AGBL4: variants seen among roughly 807,000 people sequenced by gnomAD.
AGBL4 encodes AGBL carboxypeptidase 4.
In AGBL4, 58 loss-of-function variants were observed where a neutral mutation model predicts 66.4. The observed-to-expected ratio is 0.87, with a 90% CI of 0.71 to 1.09. AGBL4 has a LOEUF of 1.09. AGBL4 is among the 50% of genes least tolerant of loss of function. The pLI is 0.00. For missense variants in AGBL4, 579 were observed against 631.0 expected, an observed-to-expected ratio of 0.92 and a Z score of 0.88; for synonymous variants, 234 against 222.9, an observed-to-expected ratio of 1.05 and a Z score of -0.44.
intron 2 of AGBL4, among the ~76,000 whole-genome samples, chr1:49,816,535 C>T (rs1645236212): frequency 6.6e-6 from 1 of 152,114 alleles, no homozygotes; most frequent in Non-Finnish European, 1.5e-5. Context: ...GAAAATTAGG[C>T]CTCCCAGCCC....
chr1:48,900,516 G>T (rs1651982695), intron 5 of AGBL4, among the ~76,000 whole-genome samples: 1 of 152,224 alleles, frequency 6.6e-6, no homozygotes, highest in African/African-American at 2.4e-5. Flanking sequence ...AATCAAGACA[G>T]TGTGGTTTGG....
chr1:49,736,249 CAA>C (rs1649882079), intron 2 of AGBL4, among the ~76,000 whole-genome samples: 1 of 151,812 alleles, frequency 6.6e-6, no homozygotes, highest in Non-Finnish European at 1.5e-5. Context: ...ACTTGAAAGA[CAA>C]AGACAAAGAA....
At chr1:48,896,767 T>C (rs1175535428) in intron 5 of AGBL4, among the ~76,000 whole-genome samples, 1 of 49,466 alleles carries the variant, frequency 2.0e-5, no homozygotes, top group Admixed American at 1.9e-4. Context: ...AATATAATTT[T>C]CCTTTCTTTC....
At chr1:49,737,439 CA>C (rs1649991178) in intron 2 of AGBL4, among the ~76,000 whole-genome samples, 1 of 152,022 alleles carries the variant, frequency 6.6e-6, no homozygotes, top group Admixed American at 6.6e-5. Context: ...AAACAGAAAC[CA>C]AAAACAGTAT....
At chr1:49,260,695 C>G (rs1256668610) in intron 3 of AGBL4, among the ~76,000 whole-genome samples, 2 of 152,106 alleles carry the variant, frequency 1.3e-5, no homozygotes. Flanking sequence ...GAGTCCAGGA[C>G]CAGATGGATT....
intron 6 of AGBL4, among the ~76,000 whole-genome samples, chr1:48,711,835 T>A (rs1228996270): frequency 6.6e-6 from 1 of 152,050 alleles, no homozygotes; most frequent in African/African-American, 2.4e-5. Context: ...ACCCTAACAA[T>A]CTTCTTGCTT....
At chr1:48,552,143 A>G (rs951404178) in intron 11 of AGBL4, among the ~76,000 whole-genome samples, 1 of 152,096 alleles carries the variant, frequency 6.6e-6, no homozygotes, top group Admixed American at 6.5e-5. Flanking sequence ...AGCTCACTGC[A>G]ACCTCCGCCT....
At chr1:49,416,995 G>A (rs1261976359) in intron 3 of AGBL4, among the ~76,000 whole-genome samples, 1 of 152,088 alleles carries the variant, frequency 6.6e-6, no homozygotes, top group Non-Finnish European at 1.5e-5. Flanking sequence ...ATGACTAAGA[G>A]ATTTAACCTA....
intron 9 of AGBL4, among the ~76,000 whole-genome samples, chr1:48,621,821 AT>A (rs879342417): frequency 0.017 from 2,506 of 144,602 alleles, 70 homozygotes; most frequent in African/African-American, 0.053. Flanking sequence ...TTCTGTGGCC[AT>A]TTTTTTTTTT....
intron 3 of AGBL4, among the ~76,000 whole-genome samples, chr1:49,480,555 T>C (rs774890176): frequency 2.0e-5 from 3 of 151,178 alleles, no homozygotes; most frequent in Non-Finnish European, 4.4e-5. Flanking sequence ...GTCAAATGCA[T>C]AGTTTGCAAA....
At chr1:48,696,159 T>C (rs1022388729) in intron 6 of AGBL4, among the ~76,000 whole-genome samples, 2 of 152,262 alleles carry the variant, frequency 1.3e-5, no homozygotes, top group Non-Finnish European at 2.9e-5. Context: ...TCTCTCTGTG[T>C]CCTCTCCCTC....
intron 1 of AGBL4, among the ~76,000 whole-genome samples, chr1:49,921,569 G>A (rs1240338821): frequency 6.6e-6 from 1 of 152,076 alleles, no homozygotes; most frequent in African/African-American, 2.4e-5. Flanking sequence ...AGCCAGTAGT[G>A]GCTCAGTCCA....
intron 11 of AGBL4, among the ~76,000 whole-genome samples, chr1:48,546,055 T>C (rs1644153115): frequency 6.6e-6 from 1 of 152,198 alleles, no homozygotes; most frequent in Non-Finnish European, 1.5e-5. Context: ...CTATATTACC[T>C]GGGAGGCTGT....
chr1:49,281,906 T>C (rs982682810), intron 3 of AGBL4, among the ~76,000 whole-genome samples: 5 of 152,232 alleles, frequency 3.3e-5, no homozygotes, highest in Non-Finnish European at 7.3e-5. Context: ...TTCTGTGAGC[T>C]GCTTTAGCAA....
chr1:49,948,564 AATATATATAT>A (rs71059566), intron 1 of AGBL4, among the ~76,000 whole-genome samples: 2,356 of 64,572 alleles, frequency 0.036, 81 homozygotes, highest in African/African-American at 0.083. Context: ...AATATATAAA[AATATATATAT>A]ATATATATAG....
Position 49,630,935 on chromosome 1 carries a change from G to C in AGBL4, c.282+66378C>G, listed in dbSNP as rs115411928. 5.8e-3 allele frequency among the ~76,000 whole-genome samples: 879 copies of C among 152,286 alleles called. 11 individuals carry two copies. The highest frequency in any genetic ancestry group is 0.02 in the African/African-American group (838 of 41,564). On this transcript the variant is annotated intron_variant, in intron 3 of 13. Transcript: ENST00000371839. ...AACCTGGTAGAGGGACAAGAGGTGA[G>C]AGTAGCAATAGTTTTAGCCTGGTGG...
intron 3 of AGBL4, among the ~76,000 whole-genome samples, chr1:49,498,212 T>C (rs1352202360): frequency 6.6e-6 from 1 of 152,014 alleles, no homozygotes; most frequent in East Asian, 1.9e-4. Context: ...TAATTGCATA[T>C]TGACGTTGTA....
chr1:49,113,030 C>G (rs771057104), intron 4 of AGBL4, among the ~76,000 whole-genome samples: 2 of 151,546 alleles, frequency 1.3e-5, no homozygotes, highest in African/African-American at 4.9e-5. Flanking sequence ...CGGCTCACTG[C>G]GAGCTCTGCC....
intron 4 of AGBL4, among the ~76,000 whole-genome samples, chr1:49,068,483 T>C (rs554764031): frequency 1.2e-3 from 180 of 152,074 alleles, no homozygotes; most frequent in African/African-American, 4.2e-3. Flanking sequence ...ATGAGGTGTT[T>C]GGTTTTCTGT....
Sources: gnomAD v4.1 joint callset for allele counts (sites outside exome capture counted in the v4.1 genomes callset) on GRCh38, gnomAD v4.1.1 for gene constraint, MANE v1.5 for transcripts, NCBI Gene and HGNC (gene_info 2026-07-23, HGNC 2026-07-21) for gene names.